The following DAPK1 variants were observed in gnomAD, a reference collection of about 807,000 sequenced individuals.
DAPK1 encodes death-associated protein kinase 1.
A neutral mutation model predicts 144.9 loss-of-function variants in DAPK1; 56 were observed. The ratio of observed to expected loss-of-function variants is 0.39; its 90% CI spans 0.31 to 0.48. The LOEUF (loss-of-function observed/expected upper bound fraction) is 0.48, where lower values mean the gene tolerates loss of function less well. DAPK1 is among the 20% of genes least tolerant of loss of function. The probability of loss-of-function intolerance (pLI) is 0.95; values close to 1 mark genes in which losing one functional copy is unlikely to be tolerated. For synonymous variants in DAPK1, 690 were observed against 749.0 expected (o/e 0.92, Z 1.29); for missense variants, 1,454 against 1,875.4 (o/e 0.78, Z 4.15).
chr9:87,634,230 G>T (rs906423012), intron 3 of DAPK1, among the ~76,000 whole-genome samples: 3 of 152,214 alleles, frequency 2.0e-5, no homozygotes, highest in Non-Finnish European at 2.9e-5. Flanking sequence ...AAATATTTAG[G>T]ATCTGCCCTT....
At position 87,695,287 on chromosome 9, in the gene DAPK1, A is replaced by G. The variant is rs75845165; in HGVS notation, c.2414-1720A>G. On this transcript the variant is annotated intron_variant, in intron 21 of 25. Coordinates refer to ENST00000408954, the MANE Select transcript of DAPK1 (RefSeq NM_004938.4). ...ACTACAAGTCTGAGAAAAACCCTTT[A>G]GATCTCAGAGTGCATCTTGACTGCA... 9.2e-5 allele frequency among the ~76,000 whole-genome samples: 14 copies of G among 152,336 alleles called. No homozygotes were observed. In the East Asian group the frequency reaches 2.7e-3, roughly 29 times the overall value.
chr9:87,499,550 C>T (rs1364414087), intron 2 of DAPK1, among the ~76,000 whole-genome samples: 2 of 152,062 alleles, frequency 1.3e-5, no homozygotes, highest in South Asian at 2.1e-4. Context: ...AGTACTTTAC[C>T]CTCTATCTAA....
chr9:87,586,037 C>T (rs993407445), intron 2 of DAPK1, among the ~76,000 whole-genome samples: 8 of 152,158 alleles, frequency 5.3e-5, no homozygotes, highest in African/African-American at 1.7e-4. Context: ...CCTGTAATCC[C>T]AGCACATTGG....
At position 87,497,990 on chromosome 9, in the gene DAPK1, C is replaced by T. The variant is rs557672833; in HGVS notation, c.-226C>T. The T allele has an allele frequency of 5.0e-5, 20 of 397,434 alleles. No individual in the cohort carries two copies. In the South Asian group the frequency reaches 1.4e-3, roughly 27 times the overall value. The allele number at this position is 397,434 out of a possible 1,614,324, so 24.6% of individuals were successfully genotyped here. A position where few individuals can be genotyped will look rare whatever the true frequency, so the allele number is the denominator to read the frequency against. ...GCCGGCGCCTGGGAGGGATCTGCGC[C>T]CCCCACTCACTCCCTAGCTGTGTTC... is the stretch of plus-strand genomic sequence containing the variant. On this transcript the variant is annotated 5_prime_UTR_variant, in exon 1 of 26. Coordinates refer to ENST00000408954, the MANE Select transcript of DAPK1 (RefSeq NM_004938.4).
chr9:87,668,432 G>T, intron 18 of DAPK1, 165 bp from the exon 19 acceptor site: 1 of 644,716 alleles, frequency 1.6e-6, no homozygotes, highest in Non-Finnish European at 2.8e-6. Flanking sequence ...AGTGAAATAA[G>T]GATTGCACAG....
chr9:87,509,878 C>T (rs776222246), intron 2 of DAPK1, among the ~76,000 whole-genome samples: 28 of 152,226 alleles, frequency 1.8e-4, no homozygotes, highest in Non-Finnish European at 4.4e-5. Flanking sequence ...AGGCCTCTTT[C>T]TCACTTGCTC....
At chr9:87,579,758 C>T (rs1179730803) in intron 2 of DAPK1, among the ~76,000 whole-genome samples, 2 of 151,944 alleles carry the variant, frequency 1.3e-5, no homozygotes, top group Non-Finnish European at 2.9e-5. Flanking sequence ...GAATGATCAC[C>T]TTACTTTTAT....
In DAPK1 at chr9:87,649,923, A is replaced by G. The variant is rs770969648; in HGVS notation, c.1431A>G (p.Glu477=). ...TCTGTACTCGTCTCCTTGGCCAGGA[A>G]GAAGAAACCCCCCTGCACTGTGCTG... is the stretch of plus-strand genomic sequence containing the variant. The part of the protein sequence containing the change: ...FGSNPNIQDK[E]EETPLHCAAW... Residue 477 remains glutamate (E), a splice_region_variant and synonymous_variant, in exon 16 of 26, where the codon GAA becomes GAG. Transcript: ENST00000408954. The G allele has an allele frequency of 1.5e-5, 24 of 1,614,032 alleles. No homozygotes were observed. The highest frequency in any genetic ancestry group is 4.2e-6 in the Non-Finnish European group (5 of 1,180,008).
intron 3 of DAPK1, among the ~76,000 whole-genome samples, chr9:87,606,486 CCTCT>C (rs900544224): frequency 6.9e-6 from 1 of 145,250 alleles, no homozygotes; most frequent in Non-Finnish European, 1.5e-5. Context: ...TTCCTTCCTC[CCTCT>C]GTCTCTCCCT....
At chr9:87,623,301 A>T (rs1280634668) in intron 3 of DAPK1, among the ~76,000 whole-genome samples, 2 of 152,238 alleles carry the variant, frequency 1.3e-5, no homozygotes, top group African/African-American at 4.8e-5. Context: ...GAAAGTGATT[A>T]CATTAAAAAT....
intron 21 of DAPK1, 75 bp from the exon 22 acceptor site, chr9:87,696,932 G>T (rs1825279346): frequency 1.2e-6 from 1 of 814,468 alleles, no homozygotes; most frequent in African/African-American, 1.7e-5. Context: ...CGAATCCGTG[G>T]AACGCTAAGA....
chr9:87,706,909 A>G lies in DAPK1; in HGVS notation c.3838A>G (p.Ser1280Gly). Residue 1280 changes from serine (S) to glycine (G), a missense_variant, in exon 26 of 26, where the codon AGC (serine) becomes GGC (glycine). By Grantham distance (56) the Ser-to-Gly change is moderately conservative. Coordinates refer to ENST00000408954, the MANE Select transcript of DAPK1 (RefSeq NM_004938.4). The surrounding 1 kb of genome is among the most constrained non-coding windows in gnomAD (Gnocchi z 9.0). ...NTMGGYKESFSSIMCFGCHDV... is the reference protein window; with the variant it reads ...NTMGGYKESFGSIMCFGCHDV... ...CATGGGGGGGTACAAGGAAAGCTTC[A>G]GCAGCATCATGTGCTTCGGGTGTCA... 1 of 1,614,046 alleles carries G rather than the reference A, an allele frequency of 6.2e-7. No individual in the cohort carries two copies.
chr9:87,514,894 A>C (rs1365725600), intron 2 of DAPK1, among the ~76,000 whole-genome samples: 1 of 152,206 alleles, frequency 6.6e-6, no homozygotes, highest in Admixed American at 6.5e-5. Context: ...TAGAAATTGA[A>C]TGTCTGCAAT....
At chr9:87,511,980 G>C (rs1384628009) in intron 2 of DAPK1, among the ~76,000 whole-genome samples, 1 of 152,146 alleles carries the variant, frequency 6.6e-6, no homozygotes. Flanking sequence ...CCAAAGTGCT[G>C]GGATTGCAGG....
intron 13 of DAPK1, among the ~76,000 whole-genome samples, chr9:87,646,822 C>A (rs1210542129): frequency 6.6e-6 from 1 of 152,184 alleles, no homozygotes; most frequent in Non-Finnish European, 1.5e-5. Context: ...TCTTACCGAT[C>A]ACATTTACTC....
At chr9:87,534,720 C>T (rs1229556648) in intron 2 of DAPK1, among the ~76,000 whole-genome samples, 4 of 151,808 alleles carry the variant, frequency 2.6e-5, no homozygotes, top group African/African-American at 9.7e-5. Flanking sequence ...TCTGGGCTCA[C>T]TGCAACCTCC....
Position 87,672,800 on chromosome 9 carries a change from G to C in DAPK1, c.2001+4126G>C, listed in dbSNP as rs146204770. 5.4e-4 allele frequency among the ~76,000 whole-genome samples: 83 copies of C among 152,322 alleles called. No homozygotes were observed. The East Asian group carries it at 0.015, about 27-fold the overall frequency. On this transcript the variant is annotated intron_variant, in intron 19 of 25. Coordinates refer to ENST00000408954, the MANE Select transcript of DAPK1 (RefSeq NM_004938.4). ...GTACTGGAATTTGGTTATTGGAAAT[G>C]ACTGAGCTGTCGCGGCAGCTTCCTT... is the stretch of plus-strand genomic sequence containing the variant.
At chr9:87,620,174 C>T (rs768222339) in intron 3 of DAPK1, among the ~76,000 whole-genome samples, 1 of 152,056 alleles carries the variant, frequency 6.6e-6, no homozygotes, top group African/African-American at 2.4e-5. Flanking sequence ...ACCCTCTGCT[C>T]GTGCCCCTCC....
chr9:87,511,992 G>T (rs938469590), intron 2 of DAPK1, among the ~76,000 whole-genome samples: 3 of 152,154 alleles, frequency 2.0e-5, no homozygotes, highest in Non-Finnish European at 2.9e-5. Flanking sequence ...GATTGCAGGT[G>T]TGAGCCACCA....
Sources: allele counts gnomAD v4.1 joint callset (sites outside exome capture counted in the v4.1 genomes callset), GRCh38; gene constraint gnomAD v4.1.1; non-coding constraint Gnocchi (gnomAD v3.1); transcripts MANE v1.5; gene names NCBI Gene and HGNC (gene_info 2026-07-23, HGNC 2026-07-21).